The following GRIP1 variants were observed in gnomAD, a reference collection of about 807,000 sequenced individuals.
The protein encoded by GRIP1 is glutamate receptor interacting protein 1.
Under a neutral mutation model 129.9 loss-of-function variants are expected in GRIP1, and 45 were observed. The ratio of observed to expected loss-of-function variants is 0.35; its 90% CI spans 0.27 to 0.44. The LOEUF (loss-of-function observed/expected upper bound fraction) is 0.44, where lower values mean the gene tolerates loss of function less well. Ranked by LOEUF, GRIP1 falls within the 20% of genes least tolerant of loss-of-function variation. GRIP1 has a pLI of 1.00. For missense variants in GRIP1, 1,196 were observed against 1,396.8 expected (o/e 0.86, Z 2.29); for synonymous variants, 530 against 520.8 (o/e 1.02, Z -0.24).
At chr12:67,018,362 A>G (rs1405684733) in intron 1 of GRIP1, among the ~76,000 whole-genome samples, 1 of 152,154 alleles carries the variant, frequency 6.6e-6, no homozygotes, top group East Asian at 1.9e-4. Context: ...CATTGGTCCT[A>G]CACACTCACC....
intron 1 of GRIP1, among the ~76,000 whole-genome samples, chr12:66,644,543 T>C (rs184230366): frequency 7.2e-5 from 11 of 152,328 alleles, no homozygotes; most frequent in East Asian, 3.9e-4. Context: ...AGCAGTATTA[T>C]TGAATAAATT....
Position 66,539,114 on chromosome 12 carries a change from C to T in GRIP1, c.382G>A (p.Val128Met). ...AGCTCGTACTCTACTTCAAGAACCA[C>T]TCTTTCTCCCACATTCTTCAGCAAG... ...ISLLKNVGER[V>M]VLEVEYELPP... Residue 128 changes from valine to methionine, a missense_variant, in exon 4 of 25, where the codon GTG becomes ATG. Physicochemically the swap from Val to Met is conservative, Grantham distance 21 (BLOSUM62 1). Transcript: ENST00000359742. The T allele has an allele frequency of 6.2e-7, 1 of 1,614,122 alleles. No homozygotes were observed. Among genetic ancestry groups the T allele is most frequent in the Non-Finnish European group, 8.5e-7 (1 of 1,180,010 alleles).
chr12:67,041,560 C>T (rs1327154124), intron 1 of GRIP1, among the ~76,000 whole-genome samples: 1 of 152,010 alleles, frequency 6.6e-6, no homozygotes, highest in African/African-American at 2.4e-5. Flanking sequence ...ACATAATTTC[C>T]TCAAATTTCT....
chr12:66,382,562 G>A (rs1024136192), intron 19 of GRIP1, among the ~76,000 whole-genome samples: 1 of 152,116 alleles, frequency 6.6e-6, no homozygotes, highest in African/African-American at 2.4e-5. Flanking sequence ...ACACAAGGAG[G>A]TTTTAATGAA....
rs2064191480 is a variant in GRIP1, at chr12:66,599,590, A to G, written c.56-2663T>C. On this transcript the variant is annotated intron_variant, in intron 1 of 24. Coordinates refer to ENST00000359742, the MANE Select transcript of GRIP1 (RefSeq NM_001366722.1). ...TCTTGATTCAAACTTGTTTGAAAATAGAAATGGAGAAAACACACTGAATGA... is the reference window on the plus strand; with the variant it reads ...TCTTGATTCAAACTTGTTTGAAAATGGAAATGGAGAAAACACACTGAATGA... 2.0e-5 allele frequency among the ~76,000 whole-genome samples: 3 copies of G among 152,224 alleles called. No individual in the cohort carries two copies. In the South Asian group the frequency reaches 6.2e-4, roughly 31 times the overall value.
intron 1 of GRIP1, among the ~76,000 whole-genome samples, chr12:66,938,642 G>A (rs1216879520): frequency 2.0e-5 from 3 of 152,048 alleles, no homozygotes; most frequent in African/African-American, 7.2e-5. Flanking sequence ...AGGTTTGCCA[G>A]AGAAGCAGTA....
intron 7 of GRIP1, among the ~76,000 whole-genome samples, chr12:66,488,107 C>T (rs928010559): frequency 2.0e-5 from 3 of 152,278 alleles, no homozygotes; most frequent in Admixed American, 6.5e-5. Flanking sequence ...AGGACTTGAA[C>T]TCAGCTCTGG....
intron 14 of GRIP1, among the ~76,000 whole-genome samples, chr12:66,422,100 C>T (rs7487393): frequency 0.5 from 76,520 of 151,942 alleles, 21,491 homozygotes; most frequent in Non-Finnish European, 0.63. Flanking sequence ...GTCTGATCAC[C>T]CCATAATAAT....
At chr12:66,371,630 C>A in intron 23 of GRIP1, 64 bp downstream of exon 23, 1 of 1,006,214 alleles carries the variant, frequency 9.9e-7, no homozygotes, top group Non-Finnish European at 1.6e-6. Flanking sequence ...TACATCTCGG[C>A]GTACATGCTA....
chr12:66,776,641 G>A (rs117184287), intron 1 of GRIP1, among the ~76,000 whole-genome samples: 5,167 of 152,214 alleles, frequency 0.034, 102 homozygotes, highest in Middle Eastern at 0.075. Context: ...TGCTATAATC[G>A]CTGTAAAGTG....
chr12:66,832,141 A>G (rs1369914314), intron 1 of GRIP1, among the ~76,000 whole-genome samples: 1 of 152,202 alleles, frequency 6.6e-6, no homozygotes, highest in Non-Finnish European at 1.5e-5. Flanking sequence ...AATCATTTTC[A>G]TGCTTAGAAA....
At chr12:66,496,560 ACTACTGTACC>A (rs1429070226) in intron 7 of GRIP1, among the ~76,000 whole-genome samples, 1 of 152,214 alleles carries the variant, frequency 6.6e-6, no homozygotes, top group Non-Finnish European at 1.5e-5. Context: ...GTCACTGTGT[ACTACTGTACC>A]TTCTCTGGGG....
At chr12:66,941,486 A>C (rs982361445) in intron 1 of GRIP1, among the ~76,000 whole-genome samples, 2 of 152,184 alleles carry the variant, frequency 1.3e-5, no homozygotes, top group African/African-American at 4.8e-5. Flanking sequence ...TCTTGTCTCC[A>C]GTTAATGTTG....
At chr12:66,531,000 G>A (rs1451719113) in intron 4 of GRIP1, among the ~76,000 whole-genome samples, 2 of 151,780 alleles carry the variant, frequency 1.3e-5, no homozygotes, top group Admixed American at 1.3e-4. Context: ...ACTTTGGGAT[G>A]CCAAGGCGGG....
chr12:66,407,773 A>C (rs1298045120), intron 15 of GRIP1, among the ~76,000 whole-genome samples: 1 of 152,168 alleles, frequency 6.6e-6, no homozygotes, highest in Admixed American at 6.5e-5. Flanking sequence ...TAAAGCCACA[A>C]AGACAGCAAT....
chr12:66,795,661 C>A (rs2136883898), intron 1 of GRIP1, among the ~76,000 whole-genome samples: 1 of 152,216 alleles, frequency 6.6e-6, no homozygotes, highest in South Asian at 2.1e-4. Context: ...CCCTGTTTAT[C>A]TATTGATAGT....
At chr12:66,817,312 C>A (rs2039240002) in intron 1 of GRIP1, among the ~76,000 whole-genome samples, 1 of 151,766 alleles carries the variant, frequency 6.6e-6, no homozygotes. Flanking sequence ...GACCCATCTG[C>A]TCTTTAAAAA....
intron 24 of GRIP1, among the ~76,000 whole-genome samples, chr12:66,351,167 A>T (rs2054204008): frequency 6.6e-6 from 1 of 152,214 alleles, no homozygotes; most frequent in Non-Finnish European, 1.5e-5. Flanking sequence ...TATCAAATTG[A>T]TCAGTGACAA....
chr12:66,492,779 G>T (rs1329169822), intron 7 of GRIP1, among the ~76,000 whole-genome samples: 7 of 152,272 alleles, frequency 4.6e-5, no homozygotes, highest in African/African-American at 1.7e-4. Flanking sequence ...GGAGGCCAAC[G>T]CGAGTGGATC....
Sources: gnomAD v4.1 joint callset for allele counts (sites outside exome capture counted in the v4.1 genomes callset) on GRCh38, gnomAD v4.1.1 for gene constraint, MANE v1.5 for transcripts, NCBI Gene and HGNC (gene_info 2026-07-23, HGNC 2026-07-21) for gene names.